CCDC30: variants seen among roughly 807,000 people sequenced by gnomAD.
CCDC30 encodes coiled-coil domain containing 30.
Under a neutral mutation model 100.2 loss-of-function variants are expected in CCDC30, and 70 were observed. The observed-to-expected ratio is 0.70, with a 90% CI of 0.58 to 0.85. CCDC30 has a LOEUF of 0.85. CCDC30 is among the 40% of genes least tolerant of loss of function. The pLI, the probability that CCDC30 is intolerant of heterozygous loss-of-function variation, is 0.00. For missense variants in CCDC30, 652 were observed against 771.2 expected (o/e 0.85, Z 1.83); for synonymous variants, 233 against 269.5 (o/e 0.86, Z 1.33).
chr1:42,643,103 G>A (rs1647594705), intron 13 of CCDC30, among the ~76,000 whole-genome samples: 1 of 152,184 alleles, frequency 6.6e-6, no homozygotes, highest in African/African-American at 2.4e-5. Flanking sequence ...ATCAAAGAGA[G>A]TGGGTTGATG....
At chr1:42,505,758 G>A (rs1303041972) in intron 6 of CCDC30, among the ~76,000 whole-genome samples, 1 of 152,132 alleles carries the variant, frequency 6.6e-6, no homozygotes, top group Non-Finnish European at 1.5e-5. Context: ...CCTAAGATAA[G>A]CTTGGAGCAC....
intron 6 of CCDC30, among the ~76,000 whole-genome samples, chr1:42,550,677 A>G (rs1645233269): frequency 6.6e-6 from 1 of 152,112 alleles, no homozygotes; most frequent in Non-Finnish European, 1.5e-5. Flanking sequence ...ATACTTTACC[A>G]TGTCACCTTG....
chr1:42,618,227 A>ATTTTTTT (rs1570263969), intron 11 of CCDC30, among the ~76,000 whole-genome samples: 1 of 119,022 alleles, frequency 8.4e-6, no homozygotes, highest in Non-Finnish European at 1.8e-5. Flanking sequence ...AACCAGTGAT[A>ATTTTTTT]TCTTTTTTTT....
chr1:42,553,490 TA>T (rs111339340), intron 6 of CCDC30, among the ~76,000 whole-genome samples: 20,732 of 149,838 alleles, frequency 0.14, 1,527 homozygotes, highest in East Asian at 0.17. Context: ...TTTCTCCATT[TA>T]AAAAAAAAAT....
chr1:42,639,017 A>G (rs776693089), intron 12 of CCDC30, among the ~76,000 whole-genome samples: 2 of 152,124 alleles, frequency 1.3e-5, no homozygotes, highest in African/African-American at 4.8e-5. Context: ...TTTTGCTTCT[A>G]GGCCAGAAAA....
intron 11 of CCDC30, among the ~76,000 whole-genome samples, chr1:42,622,808 A>T (rs1023673230): frequency 1.3e-5 from 2 of 152,108 alleles, no homozygotes; most frequent in African/African-American, 4.8e-5. Flanking sequence ...GACCCCCAAG[A>T]TGTTCTCCAT....
intron 6 of CCDC30, among the ~76,000 whole-genome samples, chr1:42,559,534 A>G (rs1417872660): frequency 6.6e-6 from 1 of 152,232 alleles, no homozygotes; most frequent in Non-Finnish European, 1.5e-5. Flanking sequence ...ACGAAGATCA[A>G]AAAAGACAAA....
At chr1:42,589,469 A>G in exon 10 of CCDC30, 1 of 1,613,478 alleles carries the variant, frequency 6.2e-7, no homozygotes, top group Non-Finnish European at 8.5e-7. Context: ...AAATGAAAAA[A>G]GAAAATATGA....
chr1:42,617,809 G>A (rs1196347650), intron 11 of CCDC30, among the ~76,000 whole-genome samples: 1 of 152,208 alleles, frequency 6.6e-6, no homozygotes, highest in East Asian at 1.9e-4. Flanking sequence ...GTTTACAACA[G>A]TGACTCCTAA....
chr1:42,637,207 A>G, intron 11 of CCDC30, 30 bp from the exon 16 acceptor site: 2 of 1,551,866 alleles, frequency 1.3e-6, no homozygotes, highest in Non-Finnish European at 1.7e-6. Flanking sequence ...CTGTGTTCAG[A>G]TGTGTCTAAA....
At position 42,577,375 on chromosome 1, in the gene CCDC30, A is replaced by T. The variant is rs566855853; in HGVS notation, c.846+146A>T. ...CTCTCCCATGTTTTCTTCTGTTTTGATTTCACCTGTTCCTACAATTTTAGG... is the reference window on the plus strand; with the variant it reads ...CTCTCCCATGTTTTCTTCTGTTTTGTTTTCACCTGTTCCTACAATTTTAGG... On this transcript the variant is annotated intron_variant, in intron 8 of 16. Transcript: ENST00000668663. 44 of 640,826 alleles carry T rather than the reference A, an allele frequency of 6.9e-5. No individual in the cohort carries two copies. In the Admixed American group the frequency reaches 1.1e-3, roughly 16 times the overall value. The allele number at this position is 640,826 out of a possible 1,614,324, so 39.7% of individuals were successfully genotyped here. A position where few individuals can be genotyped will look rare whatever the true frequency, so the allele number is the denominator to read the frequency against.
At chr1:42,603,327 A>T (rs1646440760) in intron 10 of CCDC30, among the ~76,000 whole-genome samples, 1 of 152,202 alleles carries the variant, frequency 6.6e-6, no homozygotes, top group South Asian at 2.1e-4. Flanking sequence ...AATTCCATTC[A>T]TGAGGACAGA....
At chr1:42,571,926 A>G (rs1645741568) in intron 7 of CCDC30, among the ~76,000 whole-genome samples, 1 of 152,204 alleles carries the variant, frequency 6.6e-6, no homozygotes, top group Admixed American at 6.5e-5. Flanking sequence ...TGTTCAGTCA[A>G]TGAATTTCAG....
At chr1:42,637,528 C>A (rs1647184052) in intron 12 of CCDC30, 150 bp downstream of exon 16, 2 of 720,578 alleles carry the variant, frequency 2.8e-6, no homozygotes, top group Non-Finnish European at 4.5e-6. Context: ...ATAAGTAATT[C>A]TTTAAGCCCT....
chr1:42,532,458 G>A (rs566292853), intron 6 of CCDC30, among the ~76,000 whole-genome samples: 77 of 152,294 alleles, frequency 5.1e-4, no homozygotes, highest in African/African-American at 1.7e-3. Flanking sequence ...TCTTAGTGCT[G>A]TTATTACACG....
chr1:42,644,626 G>A (rs1352675325), intron 13 of CCDC30, 67 bp from the exon 18 acceptor site: 2 of 914,314 alleles, frequency 2.2e-6, no homozygotes, highest in Non-Finnish European at 3.6e-6. Flanking sequence ...GAAGTGGGAT[G>A]TAGTTTTGGG....
In CCDC30 at chr1:42,473,540, C is replaced by G. The variant is rs968588279; in HGVS notation, c.-91-6921C>G. 9 of 360,980 alleles carry G rather than the reference C, an allele frequency of 2.5e-5. No individual in the cohort carries two copies. In the Admixed American group the frequency reaches 4.2e-4, roughly 17 times the overall value. 22.4% of individuals were successfully genotyped at this position (360,980 alleles called of 1,614,324 possible). On this transcript the variant is annotated intron_variant, in intron 1 of 16. Transcript: ENST00000668663. ...CTGGCTGAACATCTAAACAGGACTG[C>G]TCCAGGTAGCTTTCATTATCTTGGT...
chr1:42,534,172 A>G (rs1288197906), intron 6 of CCDC30, among the ~76,000 whole-genome samples: 1 of 152,188 alleles, frequency 6.6e-6, no homozygotes, highest in Non-Finnish European at 1.5e-5. Context: ...TAAAAATTAT[A>G]GCATTGAAAT....
rs144460323 is a variant in CCDC30, at chr1:42,611,159, A to G, written c.1277+69A>G. The G allele has an allele frequency of 4.8e-4, 433 of 899,920 alleles. 1 individual carries two copies. In the East Asian group the frequency reaches 0.01, roughly 21 times the overall value. The allele number at this position is 899,920 out of a possible 1,614,324, so 55.7% of individuals were successfully genotyped here. ...AGTTATTTCTTGCTGAGCAGGCTCT[A>G]GGGCTAAATGGTGGGCTGCTCACTG... On this transcript the variant is annotated intron_variant, in intron 11 of 16. Transcript: ENST00000668663.
Sources: allele counts gnomAD v4.1 joint callset (sites outside exome capture counted in the v4.1 genomes callset), GRCh38; gene constraint gnomAD v4.1.1; transcripts MANE v1.5; gene names NCBI Gene and HGNC (gene_info 2026-07-23, HGNC 2026-07-21).